TYW1: variants seen among roughly 807,000 people sequenced by gnomAD.
The protein encoded by TYW1 is tRNA-yW synthesizing protein 1 homolog.
A neutral mutation model predicts 96.2 loss-of-function variants in TYW1; 46 were observed. The observed-to-expected ratio is 0.48, with a 90% CI of 0.38 to 0.61. The LOEUF is 0.61. Ranked by LOEUF, TYW1 falls within the 20% of genes least tolerant of loss-of-function variation. The pLI, the probability that TYW1 is intolerant of heterozygous loss-of-function variation, is 0.00. For synonymous variants in TYW1, 274 were observed against 323.0 expected, an observed-to-expected ratio of 0.85 and a Z score of 1.63; for missense variants, 684 against 909.6, an observed-to-expected ratio of 0.75 and a Z score of 3.19.
intron 11 of TYW1, among the ~76,000 whole-genome samples, chr7:67,088,859 T>G (rs1392257732): frequency 6.6e-6 from 1 of 152,246 alleles, no homozygotes; most frequent in African/African-American, 2.4e-5. Flanking sequence ...TGTGAACCAC[T>G]GCACCTGGCC....
intron 15 of TYW1, among the ~76,000 whole-genome samples, chr7:67,206,954 G>T (rs548511422): frequency 6.6e-6 from 1 of 152,170 alleles, no homozygotes; most frequent in African/African-American, 2.4e-5. Flanking sequence ...TTCATTTCAT[G>T]CTCCCTCCCT....
intron 11 of TYW1, 43 bp downstream of exon 11, chr7:67,083,582 T>TA (rs778848799): frequency 1.3e-6 from 2 of 1,598,364 alleles, no homozygotes; most frequent in Non-Finnish European, 1.7e-6. Flanking sequence ...TACCTGTTAA[T>TA]AGTCTGAATC....
intron 7 of TYW1, among the ~76,000 whole-genome samples, chr7:67,032,384 C>T (rs1327265019): frequency 1.3e-5 from 2 of 151,866 alleles, no homozygotes; most frequent in Admixed American, 6.6e-5. Context: ...TTTGGGAGGC[C>T]GAGACGGATG....
intron 13 of TYW1, among the ~76,000 whole-genome samples, chr7:67,159,365 G>A (rs984836824): frequency 2.6e-5 from 4 of 152,136 alleles, no homozygotes; most frequent in African/African-American, 9.7e-5. Context: ...TTCCGAATTT[G>A]CCCTTTAGTA....
At position 67,060,136 on chromosome 7, in the gene TYW1, C is replaced by T. The variant is rs145116011; in HGVS notation, c.1155+4249C>T. On this transcript the variant is annotated intron_variant, in intron 9 of 15. Transcript: ENST00000359626. ...TGTCGCCCAGGCTGGAGTACAGTGGCGTGATCTTGGCTTACGGCAACCTCT... is the reference window on the plus strand; with the variant it reads ...TGTCGCCCAGGCTGGAGTACAGTGGTGTGATCTTGGCTTACGGCAACCTCT... 1.5e-4 allele frequency among the ~76,000 whole-genome samples: 23 copies of T among 150,484 alleles called. No individual in the cohort carries two copies. In the East Asian group the frequency reaches 4.5e-3, roughly 30 times the overall value.
intron 15 of TYW1, among the ~76,000 whole-genome samples, chr7:67,203,204 G>A (rs887408481): frequency 6.6e-6 from 1 of 152,164 alleles, no homozygotes; most frequent in Non-Finnish European, 1.5e-5. Flanking sequence ...TTGGAAGAAG[G>A]ATATATAAAC....
chr7:67,113,958 A>T (rs914616569), intron 12 of TYW1, among the ~76,000 whole-genome samples: 8 of 151,910 alleles, frequency 5.3e-5, no homozygotes, highest in African/African-American at 1.9e-4. Flanking sequence ...TTCTTTATAG[A>T]TCCTTGCACA....
chr7:67,239,503 C>G lies in TYW1; in HGVS notation c.*974C>G. 1.3e-6 allele frequency: 1 copy of G among 771,950 alleles called. No individual in the cohort carries two copies. 47.8% of individuals were successfully genotyped at this position (771,950 alleles called of 1,614,324 possible). On this transcript the variant is annotated 3_prime_UTR_variant, in exon 16 of 16. Coordinates refer to ENST00000359626, the MANE Select transcript of TYW1 (RefSeq NM_018264.4). Reference sequence around the variant, plus strand: ...GCAAAAATTGAATTAATAAAATAATCTTTTGTAAAGACTTGCAGCATGAGT... The same window carrying G: ...GCAAAAATTGAATTAATAAAATAATGTTTTGTAAAGACTTGCAGCATGAGT...
rs546145602 is a variant in TYW1 at position 67,228,957 on chromosome 7, T to G, written c.1978-9351T>G. ...TCATCTGCAACCTCTTGCCTGTAAC[T>G]GTTAGGAACTAGTTCATGTAATGGG... is the stretch of plus-strand genomic sequence containing the variant. On this transcript the variant is annotated intron_variant, in intron 15 of 15. Coordinates refer to ENST00000359626, the MANE Select transcript of TYW1 (RefSeq NM_018264.4). Among the ~76,000 whole-genome samples, 41 of 152,370 alleles carry G rather than the reference T, an allele frequency of 2.7e-4. 1 individual carries two copies. In the South Asian group the frequency reaches 5.4e-3, roughly 20 times the overall value.
In TYW1 at chr7:67,011,868, C is replaced by T. The variant is rs189011840; in HGVS notation, c.375+2184C>T. Among the ~76,000 whole-genome samples the T allele has an allele frequency of 6.5e-3, 935 of 143,288 alleles. 13 individuals carry two copies. Among genetic ancestry groups the T allele is most frequent in the African/African-American group, 0.023 (888 of 38,834 alleles). 94.0% of individuals were successfully genotyped at this position (143,288 alleles called of 152,430 possible). On this transcript the variant is annotated intron_variant, in intron 4 of 15. Transcript: ENST00000359626. ...AGCCTGGGCGACAAAAGCAAATCTC[C>T]GTCTCAAAAAAAAAAAAAAAAGAAG...
At chr7:67,084,712 G>A (rs1372850598) in intron 11 of TYW1, among the ~76,000 whole-genome samples, 1 of 152,002 alleles carries the variant, frequency 6.6e-6, no homozygotes, top group African/African-American at 2.4e-5. Context: ...ATGGGGTCTA[G>A]CCATGTTGTC....
At chr7:67,111,544 C>T (rs149636444) in intron 12 of TYW1, among the ~76,000 whole-genome samples, 17 of 152,124 alleles carry the variant, frequency 1.1e-4, no homozygotes, top group Admixed American at 2.0e-4. Context: ...AATGATGACT[C>T]ATCAAATAGA....
chr7:67,008,477 T>G (rs1391740772), intron 3 of TYW1, among the ~76,000 whole-genome samples: 1 of 152,138 alleles, frequency 6.6e-6, no homozygotes, highest in Non-Finnish European at 1.5e-5. Context: ...GAGGCCTCAC[T>G]CCAGTAAGCC....
At chr7:67,004,623 A>G (rs930813648) in intron 3 of TYW1, among the ~76,000 whole-genome samples, 1 of 152,162 alleles carries the variant, frequency 6.6e-6, no homozygotes, top group Non-Finnish European at 1.5e-5. Flanking sequence ...CATAGTTAGC[A>G]CTTCCTTAAG....
intron 3 of TYW1, among the ~76,000 whole-genome samples, chr7:67,000,283 T>C (rs1404123562): frequency 6.6e-6 from 1 of 151,874 alleles, no homozygotes; most frequent in Admixed American, 6.6e-5. Context: ...TGTTACAAGG[T>C]CACAGCTATT....
At chr7:67,120,011 C>T (rs1433300451) in intron 13 of TYW1, among the ~76,000 whole-genome samples, 1 of 152,018 alleles carries the variant, frequency 6.6e-6, no homozygotes, top group Admixed American at 6.6e-5. Flanking sequence ...AGGCAATCTT[C>T]CTGCCTTGGA....
intron 7 of TYW1, among the ~76,000 whole-genome samples, chr7:67,033,771 G>A (rs916029475): frequency 6.6e-6 from 1 of 150,742 alleles, no homozygotes; most frequent in African/African-American, 2.4e-5. Flanking sequence ...TCTTGGCTCA[G>A]TACAACCTCT....
At chr7:67,050,756 A>G (rs1795328126) in intron 8 of TYW1, among the ~76,000 whole-genome samples, 1 of 152,056 alleles carries the variant, frequency 6.6e-6, no homozygotes, top group African/African-American at 2.4e-5. Context: ...TTTCTATTTC[A>G]TCTGCTTTTT....
intron 3 of TYW1, among the ~76,000 whole-genome samples, chr7:67,000,336 TC>T (rs1352008601): frequency 1.3e-5 from 2 of 152,078 alleles, no homozygotes. Flanking sequence ...TCTCACTCTG[TC>T]CCCCAGCCTG....
Sources: allele counts gnomAD v4.1 joint callset (sites outside exome capture counted in the v4.1 genomes callset), GRCh38; gene constraint gnomAD v4.1.1; transcripts MANE v1.5; gene names NCBI Gene and HGNC (gene_info 2026-07-23, HGNC 2026-07-21).